Variants in ITGAE observed in about 807,000 individuals in gnomAD.
ITGAE encodes integrin subunit alpha E, also known as integrin alpha-E.
A neutral mutation model predicts 136.5 loss-of-function variants in ITGAE; 99 were observed. The ratio of observed to expected loss-of-function variants is 0.73; its 90% CI spans 0.62 to 0.86. The LOEUF is 0.86. Among genes scored for constraint, ITGAE ranks in the 40% least tolerant of loss-of-function variants. The pLI, the probability that ITGAE is intolerant of heterozygous loss-of-function variation, is 0.00. For synonymous variants in ITGAE, 613 were observed against 591.8 expected (o/e 1.04, Z -0.52); for missense variants, 1,447 against 1,515.3 (o/e 0.95, Z 0.75).
At chr17:3,786,815 G>A (rs1052037765) in intron 1 of ITGAE, among the ~76,000 whole-genome samples, 5 of 151,044 alleles carry the variant, frequency 3.3e-5, no homozygotes, top group Non-Finnish European at 5.9e-5. Flanking sequence ...ACTTGAACCC[G>A]GGAGGCGGAG....
rs1385033672 is a variant in ITGAE at position 3,777,613 on chromosome 17, G to A, written c.82C>T (p.Leu28Phe). Residue 28 changes from leucine to phenylalanine, a missense_variant, in exon 2 of 31, where the codon CTC becomes TTC. Transcript: ENST00000263087. Reference protein sequence around the residue: ...AFNVDVARPWLTPKGGAPFVL... With the variant: ...AFNVDVARPWFTPKGGAPFVL... ...AAAGGGGCACCTCCCTTGGGCGTGA[G>A]CCAGGGCCGGGCCACATCCACATTG... The A allele has an allele frequency of 6.2e-7, 1 of 1,614,054 alleles. No homozygotes were observed.
intron 1 of ITGAE, among the ~76,000 whole-genome samples, chr17:3,795,957 CTG>C (rs756444784): frequency 7.5e-4 from 75 of 99,422 alleles, no homozygotes; most frequent in Non-Finnish European, 7.8e-4. Flanking sequence ...GTGTGCATCC[CTG>C]TGTGTGCGTG....
At chr17:3,770,778 C>A (rs1597352601) in intron 2 of ITGAE, among the ~76,000 whole-genome samples, 1 of 152,154 alleles carries the variant, frequency 6.6e-6, no homozygotes, top group South Asian at 2.1e-4. Context: ...CCTCCCCCAG[C>A]CCCTGGTGGA....
In ITGAE at chr17:3,751,717, C is replaced by G; in HGVS notation, c.1826G>C (p.Gly609Ala). 6.2e-7 allele frequency: 1 copy of G among 1,614,056 alleles called. No individual in the cohort carries two copies. Among genetic ancestry groups the G allele is most frequent in the Non-Finnish European group, 8.5e-7 (1 of 1,179,986 alleles). ...GATATACACACTGCCGAAGCTGGCA[C>G]CATCATCTGCCCCAAAACCTTCCAG... ...APLEGFGADD[G>A]ASFGSVYIYN... The change falls in exon 15 of 31, where the codon GGT (glycine) becomes GCT (alanine). Residue 609 changes from glycine (G) to alanine (A), a missense_variant. Gly to Ala is a moderately conservative substitution (Grantham distance 60). This residue lies in a region of ITGAE where 1,031 missense variants were observed against 1,011.4 expected (regional missense o/e 1.02). Coordinates refer to ENST00000263087, the MANE Select transcript of ITGAE (RefSeq NM_002208.5).
intron 8 of ITGAE, among the ~76,000 whole-genome samples, chr17:3,758,814 C>CG (rs1007849196): frequency 6.6e-6 from 1 of 151,526 alleles, no homozygotes; most frequent in African/African-American, 2.4e-5. Flanking sequence ...TCAGTTTGCC[C>CG]GGGGTCACAC....
rs1459972869 is a variant in ITGAE at position 3,743,587 on chromosome 17, T to C, written c.2350A>G (p.Ser784Gly). The C allele has an allele frequency of 6.2e-7, 1 of 1,613,284 alleles. No individual in the cohort carries two copies. The change falls in exon 19 of 31, where the codon AGT (serine) becomes GGT (glycine). Residue 784 changes from serine to glycine, a missense_variant. Ser to Gly is a moderately conservative substitution (Grantham distance 56). Transcript: ENST00000263087. ...TGGAGCTGGTAGCTGACTTTGACAC[T>C]GGCATTGGAGAAGCAGTCCTCCTCA... is the stretch of plus-strand genomic sequence containing the variant. ...LCEEDCFSNA[S>G]VKVSYQLQTP...
rs1248619225 is a variant in ITGAE at position 3,772,503 on chromosome 17, G to A, written c.155+5037C>T. On this transcript the variant is annotated intron_variant, in intron 2 of 30. Coordinates refer to ENST00000263087, the MANE Select transcript of ITGAE (RefSeq NM_002208.5). ...TTTTTTGAGACGGAGTCTCACTGTC[G>A]CCCAGGCTGGAGTGCAGTGGCGCGA... Among the ~76,000 whole-genome samples, 11 of 141,092 alleles carry A rather than the reference G, an allele frequency of 7.8e-5. 1 individual carries two copies. Among genetic ancestry groups the A allele is most frequent in the Admixed American group, 3.6e-4 (5 of 13,760 alleles). The allele number at this position is 141,092 out of a possible 152,430, so 92.6% of individuals were successfully genotyped here. A position where few individuals can be genotyped will look rare whatever the true frequency, so the allele number is the denominator to read the frequency against.
intron 13 of ITGAE, 104 bp downstream of exon 13, chr17:3,753,679 C>T: frequency 7.0e-7 from 1 of 1,428,164 alleles, no homozygotes; most frequent in Non-Finnish European, 9.5e-7. Context: ...TTTCACCCAG[C>T]CCGGGCCCTG....
intron 7 of ITGAE, 83 bp downstream of exon 7, chr17:3,760,089 T>G: frequency 1.2e-6 from 1 of 815,758 alleles, no homozygotes; most frequent in Non-Finnish European, 2.1e-6. Context: ...CATAGAATTG[T>G]GAGCAAATGT....
At chr17:3,726,333 G>T in intron 26 of ITGAE, 2 of 1,597,240 alleles carry the variant, frequency 1.3e-6, no homozygotes, top group Non-Finnish European at 1.7e-6. Flanking sequence ...GTTTAAGTAA[G>T]CTAAATGTAT....
intron 12 of ITGAE, 33 bp from the exon 13 acceptor site, chr17:3,753,958 C>A: frequency 2.5e-6 from 4 of 1,603,260 alleles, no homozygotes; most frequent in Non-Finnish European, 2.6e-6. Flanking sequence ...GTGAACACAC[C>A]GTGTGCTCCC....
chr17:3,731,015 G>T (rs1467117834), intron 23 of ITGAE, 89 bp downstream of exon 23: 2 of 1,054,838 alleles, frequency 1.9e-6, no homozygotes, highest in African/African-American at 3.1e-5. Context: ...TGGGCTGTAA[G>T]GGGGCCGTTC....
At chr17:3,769,095 C>G (rs890017261) in intron 2 of ITGAE, among the ~76,000 whole-genome samples, 3 of 152,178 alleles carry the variant, frequency 2.0e-5, no homozygotes, top group Non-Finnish European at 4.4e-5. Context: ...CCTGCTCCCC[C>G]AGGAAGGGTG....
At position 3,760,825 on chromosome 17, in the gene ITGAE, C is replaced by G. The variant is rs547460289; in HGVS notation, c.598+188G>C. The stretch of plus-strand genomic sequence containing the variant: ...TGTGCTGTGTGAGCCATTCCCATCA[C>G]TACCACTCTCTGAGCCTCAGTTTCC... On this transcript the variant is annotated intron_variant, in intron 6 of 30. Transcript: ENST00000263087. 1.9e-4 allele frequency among the ~76,000 whole-genome samples: 29 copies of G among 152,230 alleles called. 1 individual carries two copies. Among genetic ancestry groups the G allele is most frequent in the Admixed American group, 4.6e-4 (7 of 15,268 alleles).
chr17:3,748,545 C>T (rs1013164114), intron 16 of ITGAE, among the ~76,000 whole-genome samples: 2 of 152,152 alleles, frequency 1.3e-5, no homozygotes, highest in African/African-American at 2.4e-5. Context: ...CGACATCCTG[C>T]CACGGCACTC....
intron 2 of ITGAE, among the ~76,000 whole-genome samples, chr17:3,771,012 A>T (rs960931938): frequency 3.9e-5 from 6 of 152,002 alleles, no homozygotes; most frequent in Admixed American, 2.0e-4. Context: ...CCAATTGCAT[A>T]ACTTCTGACC....
At chr17:3,767,670 C>A (rs2052331481) in intron 2 of ITGAE, among the ~76,000 whole-genome samples, 1 of 152,156 alleles carries the variant, frequency 6.6e-6, no homozygotes, top group Admixed American at 6.6e-5. Flanking sequence ...GTTGTCCAGG[C>A]TGGAGTGCAG....
chr17:3,785,525 AGG>A (rs2052768698), intron 1 of ITGAE, among the ~76,000 whole-genome samples: 1 of 149,792 alleles, frequency 6.7e-6, no homozygotes, highest in Non-Finnish European at 1.5e-5. Context: ...GAAGGAAGGA[AGG>A]AAGGAAGGAA....
chr17:3,793,350 CT>C (rs966441240), intron 1 of ITGAE, among the ~76,000 whole-genome samples: 6 of 152,020 alleles, frequency 3.9e-5, no homozygotes, highest in African/African-American at 1.4e-4. Context: ...CATGCCCGGC[CT>C]TTTTTTCTTC....
Sources: gnomAD v4.1 joint callset for allele counts (sites outside exome capture counted in the v4.1 genomes callset) on GRCh38, gnomAD v4.1.1 for gene constraint, gnomAD v4.1.1 regional missense constraint, MANE v1.5 for transcripts, NCBI Gene and HGNC (gene_info 2026-07-23, HGNC 2026-07-21) for gene names.